CUX2: variants seen among roughly 807,000 people sequenced by gnomAD.
CUX2 encodes the protein homeobox protein cut-like 2.
CUX2 carries 40 observed loss-of-function variants against 144.8 expected under a neutral mutation model. That is an observed-to-expected ratio of 0.28 (90% CI 0.21 to 0.36). The LOEUF is 0.36. Among genes scored for constraint, CUX2 ranks in the 10% least tolerant of loss-of-function variants. CUX2 has a pLI of 1.00. For missense variants in CUX2, 1,615 were observed against 1,994.0 expected (o/e 0.81, Z 3.62); for synonymous variants, 827 against 875.6 (o/e 0.94, Z 0.98).
At chr12:111,267,399 A>G (rs1283968819) in intron 4 of CUX2, among the ~76,000 whole-genome samples, 1 of 152,108 alleles carries the variant, frequency 6.6e-6, no homozygotes, top group East Asian at 1.9e-4. Context: ...CACACGCCCC[A>G]TGGGAGCAGG....
At chr12:111,079,916 C>T (rs1273546539) in intron 1 of CUX2, among the ~76,000 whole-genome samples, 1 of 152,182 alleles carries the variant, frequency 6.6e-6, no homozygotes, top group Admixed American at 6.5e-5. Flanking sequence ...ACAGGAATTG[C>T]TCACCAAGAG....
At chr12:111,273,666 C>G (rs1222570136) in intron 4 of CUX2, among the ~76,000 whole-genome samples, 2 of 152,146 alleles carry the variant, frequency 1.3e-5, no homozygotes, top group Non-Finnish European at 2.9e-5. Flanking sequence ...TCTGGGGAGA[C>G]AGTCACACAG....
At chr12:111,052,018 A>G (rs1025193739) in intron 1 of CUX2, among the ~76,000 whole-genome samples, 2 of 152,118 alleles carry the variant, frequency 1.3e-5, no homozygotes, top group South Asian at 2.1e-4. Context: ...ACACATTATA[A>G]TTGTACATGC....
chr12:111,330,856 G>GGAAGA (rs1337416101), intron 18 of CUX2, among the ~76,000 whole-genome samples: 1 of 149,168 alleles, frequency 6.7e-6, no homozygotes, highest in African/African-American at 2.4e-5. Context: ...TCATCAGTAA[G>GGAAGA]GAAGAGATCT....
At position 111,277,711 on chromosome 12, in the gene CUX2, G is replaced by C. The variant is rs574029695; in HGVS notation, c.302-13707G>C. 2.5e-3 allele frequency among the ~76,000 whole-genome samples: 385 copies of C among 152,290 alleles called. 1 individual carries two copies. Among genetic ancestry groups the C allele is most frequent in the Non-Finnish European group, 4.3e-3 (293 of 68,032 alleles). Reference sequence around the variant, plus strand: ...TTTCCCTGACACACAGCAGGCACTCGGGAAATATTTGGCAACTGAAGAAAT... The same window carrying C: ...TTTCCCTGACACACAGCAGGCACTCCGGAAATATTTGGCAACTGAAGAAAT... On this transcript the variant is annotated intron_variant, in intron 4 of 21. Coordinates refer to ENST00000261726, the MANE Select transcript of CUX2 (RefSeq NM_015267.4). The surrounding 1 kb of genome is among the most constrained non-coding windows in gnomAD (Gnocchi z 5.0).
chr12:111,257,594 T>G (rs1046757066), intron 3 of CUX2, among the ~76,000 whole-genome samples: 3 of 112,048 alleles, frequency 2.7e-5, no homozygotes, highest in Non-Finnish European at 5.5e-5. Flanking sequence ...CTCTCCCTCC[T>G]CCTTCTCCTC....
At chr12:111,145,070 A>G (rs769330982) in intron 1 of CUX2, among the ~76,000 whole-genome samples, 2 of 152,160 alleles carry the variant, frequency 1.3e-5, no homozygotes, top group African/African-American at 4.8e-5. Context: ...TGCTTTCCCA[A>G]GAAGTCTTCT....
chr12:111,189,836 T>C (rs1381607055), intron 1 of CUX2, among the ~76,000 whole-genome samples: 2 of 152,134 alleles, frequency 1.3e-5, no homozygotes, highest in African/African-American at 4.8e-5. Flanking sequence ...GGTGAACATA[T>C]TTCTCTGGGG....
chr12:111,058,345 G>A (rs190966239), intron 1 of CUX2, among the ~76,000 whole-genome samples: 5 of 152,232 alleles, frequency 3.3e-5, no homozygotes, highest in Non-Finnish European at 7.3e-5. Flanking sequence ...CTTAAAAATT[G>A]TCTGATTGTA....
rs1163715103 is a variant in CUX2 at position 111,037,565 on chromosome 12, C to G, written c.63+3325C>G. On this transcript the variant is annotated intron_variant, in intron 1 of 21. Coordinates refer to ENST00000261726, the MANE Select transcript of CUX2 (RefSeq NM_015267.4). This position sits in a 1 kb window ranked among gnomAD's most constrained non-coding sequence, Gnocchi z 5.4. The stretch of plus-strand genomic sequence containing the variant: ...TCCGGCACTCCTGAAACTACCTCCC[C>G]CCGTCTTTGCTTCTTTTTTGCCTTT... Among the ~76,000 whole-genome samples, 2 of 152,214 alleles carry G rather than the reference C, an allele frequency of 1.3e-5. No homozygotes were observed. Among genetic ancestry groups the G allele is most frequent in the East Asian group, 3.8e-4 (2 of 5,198 alleles).
Position 111,334,585 on chromosome 12 carries a change from G to A in CUX2, c.3071G>A (p.Ser1024Asn). 1 of 1,614,080 alleles carries A rather than the reference G, an allele frequency of 6.2e-7. No homozygotes were observed. Among genetic ancestry groups the A allele is most frequent in the Non-Finnish European group, 8.5e-7 (1 of 1,180,038 alleles). Residue 1024 changes from serine to asparagine, a missense_variant, in exon 19 of 22, where the codon AGC becomes AAC. Physicochemically the swap from Ser to Asn is conservative, Grantham distance 46. This residue lies in a region of CUX2 where 128 missense variants were observed against 124.4 expected (regional missense o/e 1.03). Transcript: ENST00000261726. ...QPEGRSSSSL[S>N]GKMYSGSQAP... ...GAGGGCCGCTCCAGCTCCTCGTTGA[G>A]CGGGAAGATGTACTCAGGCAGCCAG...
intron 1 of CUX2, among the ~76,000 whole-genome samples, chr12:111,128,716 AT>A (rs1875247519): frequency 1.3e-5 from 2 of 152,186 alleles, no homozygotes; most frequent in Admixed American, 1.3e-4. Flanking sequence ...AAAAGCAGTT[AT>A]CTATAGATGA....
At chr12:111,067,546 T>A (rs1369699680) in intron 1 of CUX2, among the ~76,000 whole-genome samples, 3 of 152,224 alleles carry the variant, frequency 2.0e-5, no homozygotes, top group African/African-American at 7.2e-5. Context: ...TGTATTTGGT[T>A]GTTTAAGCTT....
At chr12:111,157,755 A>T (rs943453482) in intron 1 of CUX2, among the ~76,000 whole-genome samples, 1 of 152,248 alleles carries the variant, frequency 6.6e-6, no homozygotes, top group Non-Finnish European at 1.5e-5. Context: ...CTGCCTCATA[A>T]GTCATTCTTA....
intron 1 of CUX2, among the ~76,000 whole-genome samples, chr12:111,070,421 CTT>C: frequency 8.3e-6 from 1 of 121,192 alleles, no homozygotes; most frequent in Non-Finnish European, 1.6e-5. Context: ...TCCTTCCTTC[CTT>C]CCTTCCTTCC....
At chr12:111,118,365 T>C (rs1028537089) in intron 1 of CUX2, among the ~76,000 whole-genome samples, 7 of 152,214 alleles carry the variant, frequency 4.6e-5, no homozygotes, top group African/African-American at 1.7e-4. Flanking sequence ...TGTTAAAGCA[T>C]GATAGAGTGC....
At chr12:111,209,320 G>C (rs956250965) in intron 1 of CUX2, among the ~76,000 whole-genome samples, 2 of 152,148 alleles carry the variant, frequency 1.3e-5, no homozygotes, top group Non-Finnish European at 2.9e-5. Context: ...CCTGAGCCTG[G>C]GAAGTGAAGG....
Position 111,330,719 on chromosome 12 carries a change from A to ATG in CUX2, c.2927-3721_2927-3720insGT, listed in dbSNP as rs1592977199. On this transcript the variant is annotated intron_variant, in intron 18 of 21. Transcript: ENST00000261726. The stretch of plus-strand genomic sequence containing the variant: ...TATATATATATATATATATATATAT[A>ATG]TATATATATATATATATATATATAT... Among the ~76,000 whole-genome samples, 4 of 53,182 alleles carry ATG rather than the reference A, an allele frequency of 7.5e-5. No individual in the cohort carries two copies. In the East Asian group the frequency reaches 1.4e-3, roughly 18 times the overall value. The allele number at this position is 53,182 out of a possible 152,430, so 34.9% of individuals were successfully genotyped here. A position where few individuals can be genotyped will look rare whatever the true frequency, so the allele number is the denominator to read the frequency against.
intron 3 of CUX2, among the ~76,000 whole-genome samples, chr12:111,262,933 G>A (rs962620042): frequency 6.6e-5 from 10 of 152,298 alleles, no homozygotes; most frequent in Admixed American, 6.5e-4. Context: ...CCAACACACC[G>A]TGTGCCGGGC....
Sources: allele counts gnomAD v4.1 joint callset (sites outside exome capture counted in the v4.1 genomes callset), GRCh38; gene constraint gnomAD v4.1.1; regional missense constraint gnomAD v4.1.1; non-coding constraint Gnocchi (gnomAD v3.1); transcripts MANE v1.5; gene names NCBI Gene and HGNC (gene_info 2026-07-23, HGNC 2026-07-21).